Variants in SAMTOR observed in about 807,000 individuals in gnomAD.
SAMTOR encodes S-adenosylmethionine sensor upstream of mTORC1.
At chr7:112,846,173 A>ATTTTTTATTTTTTTTT in the SAMTOR span, among the ~76,000 whole-genome samples, 1 of 126,534 alleles carries the variant, frequency 7.9e-6, no homozygotes. Flanking sequence ...CATGAGAGAA[A>ATTTTTTATTTTTTTTT]CAATTCTTTT....
chr7:112,872,408 A>T, the SAMTOR span, among the ~76,000 whole-genome samples: 14 of 152,320 alleles, frequency 9.2e-5, no homozygotes, highest in Non-Finnish European at 1.6e-4. Flanking sequence ...AGCAATAGAA[A>T]AATCCAGCAT....
At chr7:112,842,252 T>C in the SAMTOR span, among the ~76,000 whole-genome samples, 1 of 152,004 alleles carries the variant, frequency 6.6e-6, no homozygotes, top group Admixed American at 6.6e-5. Context: ...TTTGCAGATA[T>C]GAATTTGTGC....
At chr7:112,893,420 C>T in the SAMTOR span, among the ~76,000 whole-genome samples, 5 of 152,160 alleles carry the variant, frequency 3.3e-5, no homozygotes, top group African/African-American at 1.2e-4. Context: ...CATGAACCAA[C>T]CTCTGTTAAG....
At chr7:112,851,995 T>C in the SAMTOR span, among the ~76,000 whole-genome samples, 1 of 152,122 alleles carries the variant, frequency 6.6e-6, no homozygotes, top group African/African-American at 2.4e-5. Context: ...ACAACAGATG[T>C]TGGCAAGGAT....
chr7:112,866,417 G>C, the SAMTOR span, among the ~76,000 whole-genome samples: 1 of 152,198 alleles, frequency 6.6e-6, no homozygotes, highest in African/African-American at 2.4e-5. Context: ...TTGGAATAGG[G>C]AAACATCTCA....
the SAMTOR span, among the ~76,000 whole-genome samples, chr7:112,873,941 C>T: frequency 2.0e-5 from 3 of 151,970 alleles, no homozygotes; most frequent in South Asian, 2.1e-4. Context: ...GGCTAACAAA[C>T]GTTGAAAAAA....
the SAMTOR span, among the ~76,000 whole-genome samples, chr7:112,859,668 T>C: frequency 1.3e-5 from 2 of 148,470 alleles, no homozygotes; most frequent in African/African-American, 2.6e-5. Flanking sequence ...GACTAACAAA[T>C]GTGTTTGTGT....
chr7:112,831,691 T>C, the SAMTOR span, among the ~76,000 whole-genome samples: 66 of 152,308 alleles, frequency 4.3e-4, no homozygotes, highest in African/African-American at 1.6e-3. Flanking sequence ...CCTGCTTCAC[T>C]GAATTGAAAT....
chr7:112,902,430 A>AAAAAAAAAAT, the SAMTOR span, among the ~76,000 whole-genome samples: 2 of 48,444 alleles, frequency 4.1e-5, 1 homozygote, highest in Non-Finnish European at 9.5e-5. Context: ...AAAAAAAAAC[A>AAAAAAAAAAT]AAAAAAAACA....
chr7:112,828,463 G>A, the SAMTOR span, among the ~76,000 whole-genome samples: 12 of 152,230 alleles, frequency 7.9e-5, no homozygotes, highest in African/African-American at 2.6e-4. Flanking sequence ...GCTTGTTTCT[G>A]AGTTAAAATT....
the SAMTOR span, among the ~76,000 whole-genome samples, chr7:112,843,619 A>G: frequency 6.6e-6 from 1 of 152,124 alleles, no homozygotes. Flanking sequence ...GAACAGACCA[A>G]TAATGAGCTC....
chr7:112,915,619 T>A, the SAMTOR span, among the ~76,000 whole-genome samples: 1 of 152,168 alleles, frequency 6.6e-6, no homozygotes, highest in African/African-American at 2.4e-5. Flanking sequence ...CACATTTAAA[T>A]AAATACATTT....
chr7:112,870,775 C>T, the SAMTOR span, among the ~76,000 whole-genome samples: 7 of 150,466 alleles, frequency 4.7e-5, no homozygotes, highest in African/African-American at 1.7e-4. Flanking sequence ...ACCCACCCAT[C>T]TTCTGTCTTT....
chr7:112,929,820 T>C, the SAMTOR span, among the ~76,000 whole-genome samples: 1 of 152,044 alleles, frequency 6.6e-6, no homozygotes, highest in African/African-American at 2.4e-5. Flanking sequence ...GATGCATGCA[T>C]TGTCAAAACT....
At chr7:112,904,159 A>G in the SAMTOR span, among the ~76,000 whole-genome samples, 1 of 152,144 alleles carries the variant, frequency 6.6e-6, no homozygotes, top group Admixed American at 6.5e-5. Context: ...AAGAGAATGA[A>G]AAGGTTACAG....
At chr7:112,827,523 T>C in the SAMTOR span, among the ~76,000 whole-genome samples, 3 of 152,170 alleles carry the variant, frequency 2.0e-5, no homozygotes, top group African/African-American at 7.2e-5. Context: ...AGTACTAATA[T>C]TATCACAGTG....
chr7:112,909,690 T>C, the SAMTOR span, among the ~76,000 whole-genome samples: 1 of 152,018 alleles, frequency 6.6e-6, no homozygotes, highest in Non-Finnish European at 1.5e-5. Context: ...AAAAGGCTAA[T>C]GTATTAATGT....
At chr7:112,865,684 A>AT in the SAMTOR span, among the ~76,000 whole-genome samples, 1 of 105,564 alleles carries the variant, frequency 9.5e-6, no homozygotes, top group African/African-American at 5.2e-5. Flanking sequence ...ATATTCATAT[A>AT]TATTTCATAT....
the SAMTOR span, among the ~76,000 whole-genome samples, chr7:112,834,259 A>C: frequency 6.6e-6 from 1 of 152,100 alleles, no homozygotes; most frequent in African/African-American, 2.4e-5. Flanking sequence ...TACTTAAAAA[A>C]CTGTCAATAG....
Sources: gnomAD v4.1 joint callset for allele counts (sites outside exome capture counted in the v4.1 genomes callset) on GRCh38, gnomAD v4.1.1 for gene constraint, MANE v1.5 for transcripts, NCBI Gene and HGNC (gene_info 2026-07-23, HGNC 2026-07-21) for gene names.